The following EYS variants were observed in gnomAD, a reference collection of about 807,000 sequenced individuals.
EYS encodes the protein EGF-like photoreceptor maintenance factor.
Under a neutral mutation model 282.1 loss-of-function variants are expected in EYS, and 250 were observed. That is an observed-to-expected ratio of 0.89 (90% confidence interval 0.80 to 0.98). The LOEUF (loss-of-function observed/expected upper bound fraction) is 0.98, where lower values mean the gene tolerates loss of function less well. Ranked by LOEUF, EYS falls within the 50% of genes least tolerant of loss-of-function variation. The pLI is 0.00. For missense variants in EYS, 4,016 were observed against 3,709.0 expected (o/e 1.08, Z -2.15); for synonymous variants, 1,355 against 1,282.9 (o/e 1.06, Z -1.20).
chr6:64,771,654 T>C (rs1773525837), intron 22 of EYS, among the ~76,000 whole-genome samples: 1 of 151,812 alleles, frequency 6.6e-6, no homozygotes, highest in Non-Finnish European at 1.5e-5. Context: ...AGGAATTCTG[T>C]AAGCTGCTTT....
chr6:65,545,205 G>A (rs1001475052), intron 2 of EYS, among the ~76,000 whole-genome samples: 17 of 150,800 alleles, frequency 1.1e-4, no homozygotes, highest in Non-Finnish European at 2.2e-4. Flanking sequence ...TTACAGGTGC[G>A]AGCCACTGTT....
intron 29 of EYS, among the ~76,000 whole-genome samples, chr6:64,344,349 C>T (rs1427064013): frequency 6.6e-6 from 1 of 151,848 alleles, no homozygotes; most frequent in Non-Finnish European, 1.5e-5. Context: ...CATCAAAAAG[C>T]TTATCCACCA....
At chr6:64,222,012 T>C (rs908591269) in intron 31 of EYS, among the ~76,000 whole-genome samples, 1 of 152,048 alleles carries the variant, frequency 6.6e-6, no homozygotes, top group Non-Finnish European at 1.5e-5. Context: ...CCACAGGCAG[T>C]CAAGAGAACT....
chr6:63,812,081 T>C (rs1026122744), intron 36 of EYS, among the ~76,000 whole-genome samples: 2 of 152,196 alleles, frequency 1.3e-5, no homozygotes, highest in African/African-American at 4.8e-5. Flanking sequence ...TAAATATAAA[T>C]TGAGTGTCAA....
At chr6:64,013,819 A>T (rs1448384086) in intron 33 of EYS, among the ~76,000 whole-genome samples, 2 of 150,344 alleles carry the variant, frequency 1.3e-5, no homozygotes, top group Non-Finnish European at 3.0e-5. Flanking sequence ...AGATTTCAGT[A>T]AAAAAAAAAT....
At chr6:65,453,258 G>A (rs1402386158) in intron 5 of EYS, among the ~76,000 whole-genome samples, 1 of 151,940 alleles carries the variant, frequency 6.6e-6, no homozygotes, top group Non-Finnish European at 1.5e-5. Flanking sequence ...GTATAGAGGA[G>A]TAGGCTAGGA....
chr6:64,150,615 C>A (rs1019374821), intron 31 of EYS, among the ~76,000 whole-genome samples: 1 of 152,002 alleles, frequency 6.6e-6, no homozygotes. Context: ...TCATAAATTA[C>A]CTCATAAACA....
At position 64,283,133 on chromosome 6, in the gene EYS, C is replaced by T. The variant is rs1481039270; in HGVS notation, c.6191+23837G>A. On this transcript the variant is annotated intron_variant, in intron 30 of 42. Coordinates refer to ENST00000503581, the MANE Select transcript of EYS (RefSeq NM_001142800.2). ...CAGGAATATACAATCTTCATTTTCA[C>T]GTGAATACTTTTATGTTATCTGGTT... Among the ~76,000 whole-genome samples, 6 of 152,122 alleles carry T rather than the reference C, an allele frequency of 3.9e-5. No homozygotes were observed. The East Asian group carries it at 5.8e-4, about 15-fold the overall frequency.
chr6:65,362,077 T>C (rs1764733139), intron 8 of EYS, among the ~76,000 whole-genome samples: 1 of 152,136 alleles, frequency 6.6e-6, no homozygotes, highest in African/African-American at 2.4e-5. Flanking sequence ...CTTTTAAAGA[T>C]TTCTTTGATT....
At chr6:65,121,740 G>A (rs62407204) in intron 12 of EYS, among the ~76,000 whole-genome samples, 34,657 of 151,838 alleles carry the variant, frequency 0.23, 4,518 homozygotes, top group African/African-American at 0.35. Context: ...ACAGTGATAC[G>A]TGTATAATAA....
chr6:65,171,508 A>G (rs1765104810), intron 12 of EYS, among the ~76,000 whole-genome samples: 1 of 151,566 alleles, frequency 6.6e-6, no homozygotes, highest in African/African-American at 2.4e-5. Flanking sequence ...TTTCAAATGT[A>G]AGACCCAAAA....
Position 65,295,697 on chromosome 6 carries a change from C to T in EYS, c.2023+166G>A, listed in dbSNP as rs1768641000. 4.8e-6 allele frequency: 3 copies of T among 629,828 alleles called. No homozygotes were observed. In the South Asian group the frequency reaches 6.6e-5, roughly 14 times the overall value. 39.0% of individuals were successfully genotyped at this position (629,828 alleles called of 1,614,324 possible). On this transcript the variant is annotated intron_variant, in intron 12 of 42. Transcript: ENST00000503581. ...GATTAAATTGCCCAAAGAAGCAATC[C>T]TATTATTCAAGTGAATGCATTTTTT... is the stretch of plus-strand genomic sequence containing the variant.
At chr6:65,687,406 CAT>C (rs1253668171) in intron 1 of EYS, among the ~76,000 whole-genome samples, 6 of 152,134 alleles carry the variant, frequency 3.9e-5, no homozygotes, top group South Asian at 2.1e-4. Flanking sequence ...AATTTAGGGA[CAT>C]ATCAAGGTCA....
intron 36 of EYS, among the ~76,000 whole-genome samples, chr6:63,828,477 G>A (rs917920295): frequency 2.0e-5 from 3 of 152,088 alleles, no homozygotes; most frequent in Non-Finnish European, 4.4e-5. Flanking sequence ...TAAATTCCTG[G>A]AAAAATACAA....
chr6:64,262,905 T>C, intron 30 of EYS, among the ~76,000 whole-genome samples: 1 of 152,068 alleles, frequency 6.6e-6, no homozygotes, highest in East Asian at 1.9e-4. Context: ...GTTTTCTTTT[T>C]AATGTCTTTA....
chr6:64,357,018 G>A (rs1443524636), intron 29 of EYS, among the ~76,000 whole-genome samples: 3 of 151,544 alleles, frequency 2.0e-5, no homozygotes, highest in Non-Finnish European at 3.0e-5. Flanking sequence ...CTATTTTGAG[G>A]CTCATTAAAC....
intron 28 of EYS, among the ~76,000 whole-genome samples, chr6:64,402,540 C>G (rs1773569137): frequency 1.3e-5 from 2 of 152,156 alleles, no homozygotes. Flanking sequence ...ATGGCACCTC[C>G]TTCTATCACA....
At chr6:63,845,107 G>A (rs1772064598) in intron 36 of EYS, among the ~76,000 whole-genome samples, 1 of 152,060 alleles carries the variant, frequency 6.6e-6, no homozygotes, top group Non-Finnish European at 1.5e-5. Context: ...TGACTTCCAA[G>A]GAAGGAGACA....
chr6:64,711,346 A>G (rs1343101302), intron 22 of EYS, among the ~76,000 whole-genome samples: 3 of 152,212 alleles, frequency 2.0e-5, no homozygotes, highest in African/African-American at 7.2e-5. Flanking sequence ...TGTTTTATAC[A>G]TGTGGCTTAT....
Sources: gnomAD v4.1 joint callset for allele counts (sites outside exome capture counted in the v4.1 genomes callset) on GRCh38, gnomAD v4.1.1 for gene constraint, MANE v1.5 for transcripts, NCBI Gene and HGNC (gene_info 2026-07-23, HGNC 2026-07-21) for gene names.